The following MAGI2 variants were observed in gnomAD, a reference collection of about 807,000 sequenced individuals.
The protein encoded by MAGI2 is membrane-associated guanylate kinase, WW and PDZ domain-containing protein 2.
MAGI2 carries 35 observed loss-of-function variants against 133.3 expected under a neutral mutation model. The ratio of observed to expected loss-of-function variants is 0.26; its 90% CI spans 0.20 to 0.35. The LOEUF is 0.35. MAGI2 is among the 10% of genes least tolerant of loss of function. MAGI2 has a pLI of 1.00. For missense variants in MAGI2, 1,636 were observed against 1,863.4 expected (o/e 0.88, Z 2.25); for synonymous variants, 729 against 710.6 (o/e 1.03, Z -0.41).
intron 2 of MAGI2, among the ~76,000 whole-genome samples, chr7:78,859,805 G>T (rs1794004632): frequency 6.6e-6 from 1 of 152,170 alleles, no homozygotes; most frequent in African/African-American, 2.4e-5. Context: ...GGTTGGGGTA[G>T]TTCTCCTGGA....
chr7:78,153,682 A>G (rs1824109478), intron 16 of MAGI2, among the ~76,000 whole-genome samples: 1 of 152,266 alleles, frequency 6.6e-6, no homozygotes, highest in Non-Finnish European at 1.5e-5. Context: ...TTAGCTAATG[A>G]AAAATATGAT....
intron 1 of MAGI2, among the ~76,000 whole-genome samples, chr7:79,346,342 T>C (rs1363016143): frequency 6.6e-6 from 1 of 152,034 alleles, no homozygotes; most frequent in Non-Finnish European, 1.5e-5. Context: ...CAATCCAGTT[T>C]TGAGGTTTTG....
At chr7:78,681,624 T>G (rs1054181297) in intron 2 of MAGI2, among the ~76,000 whole-genome samples, 1 of 152,246 alleles carries the variant, frequency 6.6e-6, no homozygotes, top group South Asian at 2.1e-4. Context: ...TATGCTGCCA[T>G]ATACTTGTAG....
At chr7:79,032,579 C>G (rs961334250) in intron 1 of MAGI2, among the ~76,000 whole-genome samples, 1 of 150,510 alleles carries the variant, frequency 6.6e-6, no homozygotes, top group African/African-American at 2.4e-5. Flanking sequence ...AACATCAAGT[C>G]TAGGTTTAGA....
chr7:78,062,030 G>A (rs1813333224), intron 21 of MAGI2, among the ~76,000 whole-genome samples: 1 of 152,222 alleles, frequency 6.6e-6, no homozygotes, highest in African/African-American at 2.4e-5. Flanking sequence ...GCCGGGAAAG[G>A]AACCCAAGAA....
At chr7:78,553,427 T>C (rs1278261213) in intron 3 of MAGI2, among the ~76,000 whole-genome samples, 1 of 152,196 alleles carries the variant, frequency 6.6e-6, no homozygotes, top group East Asian at 1.9e-4. Flanking sequence ...AATAGTAAGG[T>C]AAATGTAACT....
chr7:79,224,495 T>G (rs1227221210), intron 1 of MAGI2, among the ~76,000 whole-genome samples: 1 of 152,048 alleles, frequency 6.6e-6, no homozygotes, highest in Non-Finnish European at 1.5e-5. Flanking sequence ...TAAAAACATC[T>G]GTCCATACAA....
chr7:79,045,188 T>C (rs1045558802), intron 1 of MAGI2, among the ~76,000 whole-genome samples: 1 of 152,216 alleles, frequency 6.6e-6, no homozygotes, highest in Non-Finnish European at 1.5e-5. Context: ...TCTATAGTGA[T>C]AGAAAGCAGA....
chr7:78,242,900 T>C (rs1791305727), intron 10 of MAGI2, among the ~76,000 whole-genome samples: 1 of 151,976 alleles, frequency 6.6e-6, no homozygotes. Context: ...CAACATGTTG[T>C]AATGTTACAA....
intron 11 of MAGI2, among the ~76,000 whole-genome samples, chr7:78,200,940 TA>T (rs1305970581): frequency 1.3e-5 from 2 of 152,190 alleles, no homozygotes; most frequent in Admixed American, 1.3e-4. Flanking sequence ...TGTAAGTATA[TA>T]TTTTTTAAAA....
chr7:78,350,689 AG>A (rs1791411623), intron 7 of MAGI2: 1 of 152,292 alleles, frequency 6.6e-6, no homozygotes, highest in African/African-American at 2.4e-5. Flanking sequence ...ATGCTGCCAA[AG>A]GTGGTCCCTG....
chr7:79,025,300 T>C (rs953141577), intron 1 of MAGI2, among the ~76,000 whole-genome samples: 1 of 152,030 alleles, frequency 6.6e-6, no homozygotes. Context: ...AGGCTAAACA[T>C]TGAGTATGTG....
intron 6 of MAGI2, among the ~76,000 whole-genome samples, chr7:78,475,365 T>G (rs759998492): frequency 6.6e-6 from 1 of 151,958 alleles, no homozygotes; most frequent in African/African-American, 2.4e-5. Flanking sequence ...TAAACTATTG[T>G]GAGCAGTGAA....
Position 79,381,606 on chromosome 7 carries a change from C to G in MAGI2, c.301+71414G>C, listed in dbSNP as rs995188724. 5.9e-5 allele frequency among the ~76,000 whole-genome samples: 9 copies of G among 151,746 alleles called. No homozygotes were observed. The East Asian group carries it at 1.8e-3, about 30-fold the overall frequency. ...AAAAATCAGCAAATAATTAACAATGCTGGTGGAAATACCTGTAATCAACCA... is the reference window on the plus strand; with the variant it reads ...AAAAATCAGCAAATAATTAACAATGGTGGTGGAAATACCTGTAATCAACCA... On this transcript the variant is annotated intron_variant, in intron 1 of 21. Transcript: ENST00000354212.
intron 2 of MAGI2, among the ~76,000 whole-genome samples, chr7:78,639,750 A>G (rs1810074880): frequency 6.6e-6 from 1 of 152,186 alleles, no homozygotes; most frequent in Non-Finnish European, 1.5e-5. Context: ...TGTACATATT[A>G]CAGGGAACAG....
At chr7:78,846,739 C>T (rs1379270976) in intron 2 of MAGI2, among the ~76,000 whole-genome samples, 1 of 152,002 alleles carries the variant, frequency 6.6e-6, no homozygotes, top group Non-Finnish European at 1.5e-5. Context: ...ACAAGATGGT[C>T]TCTCAGCATT....
chr7:78,957,797 C>A (rs1372992691), intron 2 of MAGI2, among the ~76,000 whole-genome samples: 2 of 152,092 alleles, frequency 1.3e-5, no homozygotes, highest in South Asian at 4.1e-4. Context: ...TCCTAGAAAC[C>A]CTGTTGCTAC....
chr7:78,596,809 T>G (rs926252989), intron 3 of MAGI2, among the ~76,000 whole-genome samples: 1 of 152,188 alleles, frequency 6.6e-6, no homozygotes, highest in African/African-American at 2.4e-5. Context: ...GACATCCTCA[T>G]CTTGACCCAG....
At chr7:79,340,859 A>G (rs1234137586) in intron 1 of MAGI2, among the ~76,000 whole-genome samples, 1 of 152,096 alleles carries the variant, frequency 6.6e-6, no homozygotes, top group Non-Finnish European at 1.5e-5. Context: ...TAGGATGGCC[A>G]TTTACCTGAG....
Sources: allele counts gnomAD v4.1 joint callset (sites outside exome capture counted in the v4.1 genomes callset), GRCh38; gene constraint gnomAD v4.1.1; transcripts MANE v1.5; gene names NCBI Gene and HGNC (gene_info 2026-07-23, HGNC 2026-07-21).